HDAC8: variants seen among roughly 807,000 people sequenced by gnomAD.
HDAC8 encodes histone deacetylase-like 1.
A neutral mutation model predicts 32.2 loss-of-function variants in HDAC8; 1 was observed. That is an observed-to-expected ratio of 0.03 (90% confidence interval 0.01 to 0.15). The LOEUF is 0.15. HDAC8 is among the 10% of genes least tolerant of loss of function. The pLI is 1.00. For synonymous variants in HDAC8, 108 were observed against 113.9 expected (o/e 0.95, Z 0.33); for missense variants, 117 against 300.0 (o/e 0.39, Z 4.51).
chrX:72,391,375 C>T (rs2045608155), intron 9 of HDAC8, among the ~76,000 whole-genome samples: 1 of 112,128 alleles, frequency 8.9e-6, no homozygotes, highest in Non-Finnish European at 1.9e-5. Context: ...AGAAGTTTTG[C>T]TTTGTAAGCT....
intron 9 of HDAC8, among the ~76,000 whole-genome samples, chrX:72,358,777 G>T (rs782692912): frequency 1.8e-5 from 2 of 112,101 alleles, no homozygotes; most frequent in East Asian, 5.6e-4. Context: ...CCACGGACCA[G>T]GGAGGTGGGG....
chrX:72,339,896 A>T (rs1353007368), intron 10 of HDAC8, among the ~76,000 whole-genome samples: 1 of 111,988 alleles, frequency 8.9e-6, no homozygotes, highest in Non-Finnish European at 1.9e-5. Flanking sequence ...TGGAATGTCG[A>T]TCCCTCCTGT....
chrX:72,477,558 G>C (rs2048371829), intron 7 of HDAC8, among the ~76,000 whole-genome samples: 1 of 111,763 alleles, frequency 8.9e-6, no homozygotes, highest in East Asian at 2.8e-4. Context: ...TTAGCACCTG[G>C]TGCAGCTCAT....
intron 4 of HDAC8, among the ~76,000 whole-genome samples, chrX:72,563,554 T>C (rs1348712927): frequency 9.0e-6 from 1 of 110,880 alleles, no homozygotes; most frequent in Non-Finnish European, 1.9e-5. Flanking sequence ...AAGTAAATAA[T>C]AAATAAATAA....
chrX:72,513,585 C>A (rs1333904449), intron 4 of HDAC8, among the ~76,000 whole-genome samples: 10 of 111,127 alleles, frequency 9.0e-5, no homozygotes, highest in African/African-American at 3.3e-4. Flanking sequence ...GCCTTAGCCT[C>A]CCAAAATGCT....
rs2043692677 is a variant in HDAC8, at chrX:72,336,633, G to A, written c.1112-6557C>T. Among the ~76,000 whole-genome samples, 3 of 111,231 alleles carry A rather than the reference G, an allele frequency of 2.7e-5. No homozygotes were observed. The South Asian group carries it at 1.2e-3, about 43-fold the overall frequency. On this transcript the variant is annotated intron_variant, in intron 10 of 10. Coordinates refer to ENST00000373573, the MANE Select transcript of HDAC8 (RefSeq NM_018486.3). The stretch of plus-strand genomic sequence containing the variant: ...GGGTCTTGCTATGCTGCCCAAGCTG[G>A]TTTTGAACTCCTGGCCTCAAGCAAT...
chrX:72,452,205 C>T (rs1555987710), intron 9 of HDAC8, among the ~76,000 whole-genome samples: 1 of 112,367 alleles, frequency 8.9e-6, no homozygotes, highest in Non-Finnish European at 1.9e-5. Context: ...CCTGTAATCC[C>T]AGCACTTTGG....
chrX:72,412,623 G>A lies in HDAC8; in HGVS notation c.1005+49381C>T, dbSNP rs781794846. ...TGGGTATTTATGAGATGGGGAAAAT[G>A]GGTGAAAAAGTTTAAGAAATGAGCC... On this transcript the variant is annotated intron_variant, in intron 9 of 10. Transcript: ENST00000373573. Among the ~76,000 whole-genome samples, 5 of 111,696 alleles carry A rather than the reference G, an allele frequency of 4.5e-5. No individual in the cohort carries two copies. The Admixed American group carries it at 4.8e-4, about 11-fold the overall frequency.
At chrX:72,354,449 G>A (rs782177790) in intron 9 of HDAC8, among the ~76,000 whole-genome samples, 9 of 112,617 alleles carry the variant, frequency 8.0e-5, no homozygotes, top group African/African-American at 2.9e-4. Flanking sequence ...GTCATCACGG[G>A]TTTCCCTTAA....
At chrX:72,427,212 T>C (rs782782892) in intron 9 of HDAC8, among the ~76,000 whole-genome samples, 1 of 111,094 alleles carries the variant, frequency 9.0e-6, no homozygotes, top group Non-Finnish European at 1.9e-5. Context: ...GAAAATGACA[T>C]TACATACCAT....
chrX:72,329,563 AAAC>A lies in HDAC8; in HGVS notation c.*488_*490del. 3.6e-6 allele frequency: 3 copies of A among 831,583 alleles called. No individual in the cohort carries two copies. Among genetic ancestry groups the A allele is most frequent in the Non-Finnish European group, 5.1e-6 (3 of 587,451 alleles). The allele number at this position is 831,583 out of a possible 1,213,427, so 68.5% of individuals were successfully genotyped here. A position where few individuals can be genotyped will look rare whatever the true frequency, so the allele number is the denominator to read the frequency against. On this transcript the variant is annotated 3_prime_UTR_variant, in exon 11 of 11. Coordinates refer to ENST00000373573, the MANE Select transcript of HDAC8 (RefSeq NM_018486.3). ...AAAAAACCAAAGATATATAACACTA[AAAC>A]AACACCAGCGGACTTCTCCCCACCT...
At chrX:72,548,176 C>T (rs1216654728) in intron 4 of HDAC8, among the ~76,000 whole-genome samples, 1 of 111,800 alleles carries the variant, frequency 8.9e-6, no homozygotes, top group Non-Finnish European at 1.9e-5. Flanking sequence ...TTCAGTGGCT[C>T]CCCATTTCCT....
chrX:72,493,759 C>T (rs2048940975), intron 5 of HDAC8, among the ~76,000 whole-genome samples: 1 of 111,523 alleles, frequency 9.0e-6, no homozygotes, highest in Non-Finnish European at 1.9e-5. Flanking sequence ...TGCAGTGGCA[C>T]GATCATAATT....
At chrX:72,447,025 T>C (rs1181480963) in intron 9 of HDAC8, among the ~76,000 whole-genome samples, 1 of 111,965 alleles carries the variant, frequency 8.9e-6, no homozygotes, top group Non-Finnish European at 1.9e-5. Flanking sequence ...GAGGAGCTGG[T>C]ACCATTCCTT....
chrX:72,387,743 CTTCT>C (rs2045483537), intron 9 of HDAC8, among the ~76,000 whole-genome samples: 1 of 112,247 alleles, frequency 8.9e-6, no homozygotes, highest in Admixed American at 9.5e-5. Context: ...TGTTGTACTT[CTTCT>C]TTCTGAGTAC....
At chrX:72,565,678 A>T (rs1603239920) in intron 4 of HDAC8, among the ~76,000 whole-genome samples, 1 of 112,075 alleles carries the variant, frequency 8.9e-6, no homozygotes, top group East Asian at 2.8e-4. Flanking sequence ...GATGTCATTC[A>T]TAGAAGCAAG....
At chrX:72,362,123 T>A (rs934572576) in intron 9 of HDAC8, among the ~76,000 whole-genome samples, 2 of 111,733 alleles carry the variant, frequency 1.8e-5, no homozygotes, top group Admixed American at 9.5e-5. Context: ...TGAAATGTGA[T>A]CCCCAATGTT....
intron 9 of HDAC8, among the ~76,000 whole-genome samples, chrX:72,427,514 G>A (rs1264184924): frequency 8.8e-5 from 9 of 102,672 alleles, no homozygotes; most frequent in Non-Finnish European, 1.8e-4. Flanking sequence ...ACCAAACACC[G>A]CATGTTCTCA....
intron 9 of HDAC8, among the ~76,000 whole-genome samples, chrX:72,420,520 T>C (rs1179292377): frequency 8.9e-6 from 1 of 112,445 alleles, no homozygotes; most frequent in African/African-American, 3.2e-5. Context: ...TCAAGGTTTG[T>C]CAATTTCATT....
Sources: allele counts gnomAD v4.1 joint callset (sites outside exome capture counted in the v4.1 genomes callset), GRCh38; gene constraint gnomAD v4.1.1; transcripts MANE v1.5; gene names NCBI Gene and HGNC (gene_info 2026-07-23, HGNC 2026-07-21).